DMD: variants seen among roughly 807,000 people sequenced by gnomAD.
DMD encodes mutant dystrophin.
A neutral mutation model predicts 330.1 loss-of-function variants in DMD; 63 were observed. That is an observed-to-expected ratio of 0.19 (90% confidence interval 0.16 to 0.24). The LOEUF (loss-of-function observed/expected upper bound fraction) is 0.24, where lower values mean the gene tolerates loss of function less well. Among genes scored for constraint, DMD ranks in the 10% least tolerant of loss-of-function variants. The probability of loss-of-function intolerance (pLI) is 1.00; values close to 1 mark genes in which losing one functional copy is unlikely to be tolerated. For synonymous variants in DMD, 1,223 were observed against 959.8 expected (o/e 1.27, Z -5.07); for missense variants, 3,344 against 2,684.1 (o/e 1.25, Z -5.43).
chrX:31,783,452 T>C (rs1425497208), intron 50 of DMD, among the ~76,000 whole-genome samples: 1 of 111,366 alleles, frequency 9.0e-6, no homozygotes, highest in African/African-American at 3.3e-5. Flanking sequence ...TAAGATCCTC[T>C]ACCATGTGTC....
chrX:32,666,846 A>G (rs2061336297), intron 9 of DMD, among the ~76,000 whole-genome samples: 1 of 108,248 alleles, frequency 9.2e-6, no homozygotes, highest in African/African-American at 3.4e-5. Flanking sequence ...AAAAACAGCA[A>G]GCAAAGACAA....
chrX:32,874,943 G>A (rs12395380), intron 2 of DMD, among the ~76,000 whole-genome samples: 11,624 of 111,363 alleles, frequency 0.1, 469 homozygotes, highest in Middle Eastern at 0.16. Context: ...CTCCAGACCA[G>A]CACATCCACT....
intron 50 of DMD, among the ~76,000 whole-genome samples, chrX:31,814,177 GT>G (rs780390913): frequency 1.5e-4 from 17 of 110,393 alleles, no homozygotes; most frequent in Non-Finnish European, 3.2e-4. Context: ...TTTTACCAGT[GT>G]TTAATCAACT....
intron 43 of DMD, among the ~76,000 whole-genome samples, chrX:32,253,794 T>C (rs5927947): frequency 0.28 from 30,043 of 106,873 alleles, 3,499 homozygotes; most frequent in Middle Eastern, 0.4. Context: ...CGGCTAATTT[T>C]TGTATTTTTA....
chrX:33,128,285 G>A, intron 1 of DMD: 1 of 1,070,466 alleles, frequency 9.3e-7, no homozygotes, highest in South Asian at 2.8e-5. Flanking sequence ...TAGAGTCATA[G>A]CCAAGCACAG....
chrX:32,303,416 C>A (rs750127065), intron 42 of DMD, among the ~76,000 whole-genome samples: 1 of 110,879 alleles, frequency 9.0e-6, no homozygotes, highest in Non-Finnish European at 1.9e-5. Context: ...ATTTTTCTTC[C>A]TGGTGGCTGT....
rs1556845852 is a variant in DMD, at chrX:31,721,718, C to CCA, written c.7660+7912_7660+7913insTG. On this transcript the variant is annotated intron_variant, in intron 52 of 78. Transcript: ENST00000357033. ...TCTCTCTCTCTCTCTCTCTCTCTCT[C>CCA]TATATATATATATATATATATATAT... Among the ~76,000 whole-genome samples, 19 of 56,482 alleles carry CCA rather than the reference C, an allele frequency of 3.4e-4. 1 individual carries two copies. The highest frequency in any genetic ancestry group is 7.8e-4 in the African/African-American group (13 of 16,640). 49.0% of individuals were successfully genotyped at this position (56,482 alleles called of 115,157 possible). A position where few individuals can be genotyped will look rare whatever the true frequency, so the allele number is the denominator to read the frequency against.
At chrX:31,938,118 C>T (rs976253176) in intron 45 of DMD, among the ~76,000 whole-genome samples, 2 of 111,711 alleles carry the variant, frequency 1.8e-5, no homozygotes, top group Non-Finnish European at 3.8e-5. Context: ...GCTACTCTTA[C>T]GCTAAGAGGA....
At chrX:32,619,324 G>A (rs1169146691) in intron 11 of DMD, among the ~76,000 whole-genome samples, 1 of 110,987 alleles carries the variant, frequency 9.0e-6, no homozygotes, top group East Asian at 2.9e-4. Flanking sequence ...GGGGAAGGGG[G>A]AGGTATGGAG....
chrX:32,424,092 C>A (rs771148136), intron 29 of DMD, among the ~76,000 whole-genome samples: 2 of 110,771 alleles, frequency 1.8e-5, no homozygotes, highest in Non-Finnish European at 3.8e-5. Context: ...CACTCTTGAC[C>A]ATTTATTCAA....
intron 2 of DMD, among the ~76,000 whole-genome samples, chrX:32,924,683 C>T (rs1477413675): frequency 4.5e-5 from 5 of 111,653 alleles, no homozygotes; most frequent in African/African-American, 1.6e-4. Flanking sequence ...TGATTTTCTC[C>T]TCTGAAAGAG....
intron 55 of DMD, among the ~76,000 whole-genome samples, chrX:31,618,619 G>A (rs1005770385): frequency 8.9e-6 from 1 of 111,837 alleles, no homozygotes; most frequent in Non-Finnish European, 1.9e-5. Flanking sequence ...AGAGTAATGG[G>A]TAGGACAGTA....
At chrX:32,816,833 C>G (rs1157500269) in intron 5 of DMD, among the ~76,000 whole-genome samples, 193 bp from the exon 6 acceptor site, 1 of 111,508 alleles carries the variant, frequency 9.0e-6, no homozygotes, top group Non-Finnish European at 1.9e-5. Flanking sequence ...TCATTGGTAT[C>G]TATGCCATAC....
intron 20 of DMD, among the ~76,000 whole-genome samples, chrX:32,486,062 G>A (rs1477264862): frequency 1.8e-5 from 2 of 109,507 alleles, no homozygotes; most frequent in African/African-American, 3.3e-5. Flanking sequence ...TTTAAATTAC[G>A]GTGGCTGTCC....
At chrX:31,358,465 T>C (rs1324048570) in intron 60 of DMD, among the ~76,000 whole-genome samples, 1 of 111,767 alleles carries the variant, frequency 8.9e-6, no homozygotes, top group Non-Finnish European at 1.9e-5. Context: ...CTCTTTTTAA[T>C]CCTCAAGTGA....
intron 11 of DMD, among the ~76,000 whole-genome samples, chrX:32,615,533 T>C (rs778399070): frequency 8.9e-6 from 1 of 112,025 alleles, no homozygotes; most frequent in Admixed American, 9.5e-5. Flanking sequence ...ATACTCTTTA[T>C]AAACATCATG....
chrX:32,013,167 A>C (rs1187612284), intron 44 of DMD, among the ~76,000 whole-genome samples: 2 of 89,492 alleles, frequency 2.2e-5, no homozygotes, highest in African/African-American at 8.7e-5. Flanking sequence ...GCTCACTGCA[A>C]CCTCCACCTC....
intron 7 of DMD, among the ~76,000 whole-genome samples, chrX:32,729,721 T>A (rs1013137703): frequency 1.2e-4 from 13 of 106,183 alleles, no homozygotes; most frequent in Admixed American, 8.3e-4. Context: ...GAGCTTTTTA[T>A]ACTAAGAAAT....
intron 44 of DMD, among the ~76,000 whole-genome samples, chrX:32,132,993 C>CTTTTCTTTTTTTTTTTTTTTTTTTTTT (rs2096705124): frequency 5.3e-5 from 4 of 76,008 alleles, no homozygotes; most frequent in African/African-American, 2.1e-4. Context: ...CTTTTCTTTT[C>CTTTTCTTTTTTTTTTTTTTTTTTTTTT]TTTTTTTTTT....
Sources: allele counts gnomAD v4.1 joint callset (sites outside exome capture counted in the v4.1 genomes callset), GRCh38; gene constraint gnomAD v4.1.1; transcripts MANE v1.5; gene names NCBI Gene and HGNC (gene_info 2026-07-23, HGNC 2026-07-21).